COL22A1: variants seen among roughly 807,000 people sequenced by gnomAD.
COL22A1 encodes collagen type XXII alpha 1 chain, also known as collagen alpha-1(XXII) chain.
Under a neutral mutation model 248.9 loss-of-function variants are expected in COL22A1, and 221 were observed. The observed-to-expected ratio is 0.89, with a 90% CI of 0.80 to 0.99. The LOEUF (loss-of-function observed/expected upper bound fraction) is 0.99. Among genes scored for constraint, COL22A1 ranks in the 50% least tolerant of loss-of-function variants. The pLI, the probability that COL22A1 is intolerant of heterozygous loss-of-function variation, is 0.00. For synonymous variants in COL22A1, 891 were observed against 793.4 expected, an observed-to-expected ratio of 1.12 and a Z score of -2.07; for missense variants, 2,240 against 2,179.0, an observed-to-expected ratio of 1.03 and a Z score of -0.56.
intron 23 of COL22A1, 43 bp from the exon 24 acceptor site, chr8:138,725,483 T>C (rs1189327094): frequency 1.3e-6 from 2 of 1,565,402 alleles, no homozygotes; most frequent in African/African-American, 2.7e-5. Flanking sequence ...TGGGTCCTGA[T>C]GAGCCTCCTA....
rs140326223 is a variant in COL22A1, at chr8:138,815,451, C to T, written c.1246-2432G>A. On this transcript the variant is annotated intron_variant, in intron 7 of 64. Coordinates refer to ENST00000303045, the MANE Select transcript of COL22A1 (RefSeq NM_152888.3). ...CAGGCCCTGCAGGACATGGTTCAAG[C>T]TCACCCCTAGTCTGCCATGCTCATT... is the stretch of plus-strand genomic sequence containing the variant. 8.3e-3 allele frequency among the ~76,000 whole-genome samples: 1,270 copies of T among 152,284 alleles called. 13 individuals carry two copies. Among genetic ancestry groups the T allele is most frequent in the African/African-American group, 0.026 (1,096 of 41,542 alleles).
chr8:138,856,804 C>A (rs1052967970), intron 3 of COL22A1, among the ~76,000 whole-genome samples: 2 of 152,150 alleles, frequency 1.3e-5, no homozygotes, highest in Non-Finnish European at 2.9e-5. Flanking sequence ...TTCCTGCCAG[C>A]GCCTTCTAGG....
At chr8:138,857,958 T>A (rs1239368701) in intron 3 of COL22A1, among the ~76,000 whole-genome samples, 1 of 152,192 alleles carries the variant, frequency 6.6e-6, no homozygotes, top group Non-Finnish European at 1.5e-5. Flanking sequence ...CCGGTTATAA[T>A]TGGCTTTTAC....
chr8:138,899,977 A>G (rs1337327880), intron 1 of COL22A1, among the ~76,000 whole-genome samples: 1 of 152,246 alleles, frequency 6.6e-6, no homozygotes. Flanking sequence ...TGGCGAAGGT[A>G]TGATGATGCA....
At chr8:138,711,525 A>G (rs76441066) in intron 30 of COL22A1, among the ~76,000 whole-genome samples, 6,235 of 152,280 alleles carry the variant, frequency 0.041, 197 homozygotes, top group East Asian at 0.13. Context: ...TCTGGAAATG[A>G]GTTTCTCAAA....
chr8:138,596,498 T>C lies in COL22A1; in HGVS notation c.4432+406A>G, dbSNP rs189294414. The stretch of plus-strand genomic sequence containing the variant: ...CTGTGACAAATAAAATTTAAGAACC[T>C]CTATTGACTTTACTAAAATCATCTT... On this transcript the variant is annotated intron_variant, in intron 62 of 64. Coordinates refer to ENST00000303045, the MANE Select transcript of COL22A1 (RefSeq NM_152888.3). Among the ~76,000 whole-genome samples, 545 of 152,336 alleles carry C rather than the reference T, an allele frequency of 3.6e-3. 4 individuals carry two copies. Among genetic ancestry groups the C allele is most frequent in the African/African-American group, 0.013 (523 of 41,580 alleles).
chr8:138,863,104 T>TA (rs1286101652), intron 3 of COL22A1, among the ~76,000 whole-genome samples: 2 of 152,190 alleles, frequency 1.3e-5, no homozygotes, highest in African/African-American at 4.8e-5. Context: ...GTTTAAAAGA[T>TA]AAAATAAAGT....
rs1205833105 is a variant in COL22A1 at position 138,660,821 on chromosome 8, C to G, written c.3241-341G>C. Among the ~76,000 whole-genome samples, 80 of 13,032 alleles carry G rather than the reference C, an allele frequency of 6.1e-3. 1 individual carries two copies. Among genetic ancestry groups the G allele is most frequent in the African/African-American group, 9.5e-3 (78 of 8,218 alleles). The allele number at this position is 13,032 out of a possible 152,430, so 8.5% of individuals were successfully genotyped here. On this transcript the variant is annotated intron_variant, in intron 43 of 64. Coordinates refer to ENST00000303045, the MANE Select transcript of COL22A1 (RefSeq NM_152888.3). ...ACACACAGACACACATACACACATA[C>G]ACACACATACACACACAGACACACA... is the stretch of plus-strand genomic sequence containing the variant.
In COL22A1 at chr8:138,780,975, G is replaced by A. The variant is rs1814922995; in HGVS notation, c.1602C>T (p.Ser534=). 1 of 1,601,624 alleles carries A rather than the reference G, an allele frequency of 6.2e-7. No individual in the cohort carries two copies. The highest frequency in any genetic ancestry group is 8.5e-7 in the Non-Finnish European group (1 of 1,175,976). The change falls in exon 13 of 65, where the codon TCC becomes TCT. Residue 534 remains serine (S), a synonymous_variant. Coordinates refer to ENST00000303045, the MANE Select transcript of COL22A1 (RefSeq NM_152888.3). ...TCCCAGGGGGGCCGGGCAGGCCCAG[G>A]GAACCCTAAAGCCAAAAAAAGAGAA... ...FGQGEKGEKG[S]LGLPGPPGRD...
chr8:138,908,502 AT>A (rs1815194137), intron 1 of COL22A1, among the ~76,000 whole-genome samples: 1 of 152,232 alleles, frequency 6.6e-6, no homozygotes, highest in Non-Finnish European at 1.5e-5. Context: ...CATTTATCTT[AT>A]TCACGTATGG....
intron 52 of COL22A1, among the ~76,000 whole-genome samples, chr8:138,620,917 C>T (rs1819730126): frequency 1.3e-5 from 2 of 152,054 alleles, no homozygotes; most frequent in African/African-American, 2.4e-5. Context: ...ATCTATCCAT[C>T]CATCCATCCA....
At chr8:138,814,599 A>C (rs1398929589) in intron 7 of COL22A1, among the ~76,000 whole-genome samples, 1 of 152,184 alleles carries the variant, frequency 6.6e-6, no homozygotes, top group Admixed American at 6.5e-5. Context: ...AGAAGATTCC[A>C]ACAGCTCCTA....
At chr8:138,689,041 C>G in intron 36 of COL22A1, 71 bp from the exon 37 acceptor site, 1 of 1,270,170 alleles carries the variant, frequency 7.9e-7, no homozygotes, top group Admixed American at 1.7e-5. Context: ...TCGTGACCCC[C>G]AGGGAAGAAT....
chr8:138,719,911 G>A (rs1018009464), intron 27 of COL22A1, among the ~76,000 whole-genome samples: 8 of 152,194 alleles, frequency 5.3e-5, no homozygotes, highest in Admixed American at 2.0e-4. Context: ...GGTGGAGGGC[G>A]GGAGGAGCAG....
intron 12 of COL22A1, among the ~76,000 whole-genome samples, chr8:138,795,334 C>T (rs866109253): frequency 3.3e-5 from 5 of 152,262 alleles, no homozygotes; most frequent in African/African-American, 1.2e-4. Context: ...GCTTTTCATT[C>T]TTGTGAGGTA....
chr8:138,901,659 G>A (rs1814582755), intron 1 of COL22A1, among the ~76,000 whole-genome samples: 1 of 152,076 alleles, frequency 6.6e-6, no homozygotes, highest in Non-Finnish European at 1.5e-5. Context: ...GAGCCACCAT[G>A]CCTGGCCTTT....
intron 47 of COL22A1, among the ~76,000 whole-genome samples, chr8:138,641,342 C>A (rs1821678109): frequency 6.6e-6 from 1 of 152,140 alleles, no homozygotes; most frequent in Non-Finnish European, 1.5e-5. Context: ...GCCAGGCCCC[C>A]TTTAGGTCCT....
chr8:138,660,961 C>CAT (rs1823859358), intron 43 of COL22A1, among the ~76,000 whole-genome samples: 1 of 75,030 alleles, frequency 1.3e-5, no homozygotes, highest in African/African-American at 3.8e-5. Flanking sequence ...CACAGACACA[C>CAT]ACGCACACAC....
chr8:138,743,206 A>G (rs1238095517), intron 22 of COL22A1, among the ~76,000 whole-genome samples: 1 of 104,334 alleles, frequency 9.6e-6, no homozygotes, highest in Non-Finnish European at 2.0e-5. Flanking sequence ...TGATGATGGT[A>G]GAGTTGATGG....
Sources: gnomAD v4.1 joint callset for allele counts (sites outside exome capture counted in the v4.1 genomes callset) on GRCh38, gnomAD v4.1.1 for gene constraint, MANE v1.5 for transcripts, NCBI Gene and HGNC (gene_info 2026-07-23, HGNC 2026-07-21) for gene names.